The following CTNNA1 variants were observed in gnomAD, a reference collection of about 807,000 sequenced individuals.
CTNNA1 encodes the protein catenin alpha-1.
Under a neutral mutation model 98.4 loss-of-function variants are expected in CTNNA1, and 37 were observed. The ratio of observed to expected loss-of-function variants is 0.38; its 90% confidence interval spans 0.29 to 0.49. CTNNA1 has a LOEUF of 0.49. CTNNA1 is among the 20% of genes least tolerant of loss of function. CTNNA1 has a pLI of 0.95. For synonymous variants in CTNNA1, 404 were observed against 413.2 expected (o/e 0.98, Z 0.27); for missense variants, 761 against 1,147.2 (o/e 0.66, Z 4.86).
At chr5:138,928,035 G>A (rs937441604) in intron 13 of CTNNA1, among the ~76,000 whole-genome samples, 1 of 152,092 alleles carries the variant, frequency 6.6e-6, no homozygotes, top group African/African-American at 2.4e-5. Context: ...CCTTTGCACA[G>A]CACGTTCTTG....
intron 9 of CTNNA1, among the ~76,000 whole-genome samples, chr5:138,902,460 C>A (rs570733609): frequency 1.3e-5 from 2 of 152,322 alleles, no homozygotes; most frequent in East Asian, 3.9e-4. Context: ...CGCTCTGTCG[C>A]CCAGGCTGGA....
At chr5:138,891,213 T>C (rs1314120640) in intron 9 of CTNNA1, 2 of 152,148 alleles carry the variant, frequency 1.3e-5, no homozygotes, top group East Asian at 1.9e-4. Context: ...CACACCAGAG[T>C]GAGTGGTCCT....
chr5:138,903,196 C>T (rs1169987563), intron 9 of CTNNA1, among the ~76,000 whole-genome samples: 1 of 152,092 alleles, frequency 6.6e-6, no homozygotes, highest in Non-Finnish European at 1.5e-5. Context: ...TTGGGCATTG[C>T]AGGATTCTGA....
chr5:138,842,265 A>G (rs574321494), intron 7 of CTNNA1, among the ~76,000 whole-genome samples: 4 of 152,098 alleles, frequency 2.6e-5, no homozygotes, highest in Non-Finnish European at 5.9e-5. Flanking sequence ...GCACCACTGC[A>G]CTCCAGCCTG....
At chr5:138,882,815 G>C (rs184271317) in intron 7 of CTNNA1, among the ~76,000 whole-genome samples, 1 of 152,288 alleles carries the variant, frequency 6.6e-6, no homozygotes, top group African/African-American at 2.4e-5. Flanking sequence ...AAAAGAAGTA[G>C]AATCTTGTTT....
At chr5:138,774,002 G>C (rs568846622) in intron 1 of CTNNA1, among the ~76,000 whole-genome samples, 1 of 152,226 alleles carries the variant, frequency 6.6e-6, no homozygotes, top group South Asian at 2.1e-4. Context: ...TCATGCCTCA[G>C]CCTCCCGAGT....
At chr5:138,888,674 A>C (rs949586743) in intron 9 of CTNNA1, among the ~76,000 whole-genome samples, 1 of 151,644 alleles carries the variant, frequency 6.6e-6, no homozygotes, top group Non-Finnish European at 1.5e-5. Context: ...CAGCCTCCTG[A>C]GTAGCTGGAA....
intron 11 of CTNNA1, among the ~76,000 whole-genome samples, chr5:138,921,954 G>T (rs538187128): frequency 6.6e-6 from 1 of 151,792 alleles, no homozygotes; most frequent in Admixed American, 6.6e-5. Context: ...AGTTTACATG[G>T]CAAGCCATCA....
At position 138,930,570 on chromosome 5, in the gene CTNNA1, C is replaced by A; in HGVS notation, c.2108C>A (p.Ser703Tyr). Residue 703 changes from serine to tyrosine, a missense_variant, in exon 15 of 18, where the codon TCC (serine) becomes TAC (tyrosine). Physicochemically the swap from Ser to Tyr is moderately radical, Grantham distance 144. Around this residue, in one of 6 missense-constraint regions of CTNNA1, gnomAD observed 77 missense variants for 198.8 expected, o/e 0.39. Coordinates refer to ENST00000302763, the MANE Select transcript of CTNNA1 (RefSeq NM_001903.5). ...EEKSKLDAEVSKWDDSGNDII... is the reference protein window; with the variant it reads ...EEKSKLDAEVYKWDDSGNDII... ...AAGAGCAAGCTGGATGCTGAAGTGT[C>A]CAAATGGGACGACAGTGGCAATGAC... The A allele has an allele frequency of 6.2e-7, 1 of 1,614,020 alleles. No individual in the cohort carries two copies. Among genetic ancestry groups the A allele is most frequent in the Non-Finnish European group, 8.5e-7 (1 of 1,179,970 alleles).
chr5:138,910,225 T>A (rs900822519), intron 10 of CTNNA1, among the ~76,000 whole-genome samples: 4 of 94,384 alleles, frequency 4.2e-5, no homozygotes, highest in Non-Finnish European at 8.8e-5. Flanking sequence ...TTCCTACTTT[T>A]CTTTTTTTTT....
intron 7 of CTNNA1, among the ~76,000 whole-genome samples, chr5:138,861,042 C>T (rs176381): frequency 0.68 from 103,248 of 151,802 alleles, 35,345 homozygotes; most frequent in East Asian, 0.93. Flanking sequence ...TTTTTGGAGA[C>T]GGAGTCTCAC....
intron 7 of CTNNA1, among the ~76,000 whole-genome samples, chr5:138,883,426 A>G (rs1017898815): frequency 2.0e-5 from 3 of 152,202 alleles, no homozygotes; most frequent in Admixed American, 2.0e-4. Flanking sequence ...TCCTGCAATA[A>G]CAAGAAAGAC....
intron 1 of CTNNA1, among the ~76,000 whole-genome samples, chr5:138,755,845 C>CTTT (rs60260246): frequency 0.014 from 838 of 58,436 alleles, 7 homozygotes; most frequent in Non-Finnish European, 0.021. Flanking sequence ...GGATTTCCTT[C>CTTT]TTTTTTTTTT....
intron 9 of CTNNA1, among the ~76,000 whole-genome samples, chr5:138,890,861 A>C (rs769384068): frequency 1.3e-4 from 20 of 152,206 alleles, no homozygotes; most frequent in Non-Finnish European, 2.8e-4. Flanking sequence ...CTGAAATTCC[A>C]AAGATTCAGA....
intron 1 of CTNNA1, among the ~76,000 whole-genome samples, chr5:138,769,787 C>T (rs985428223): frequency 1.8e-4 from 28 of 152,222 alleles, no homozygotes; most frequent in African/African-American, 6.5e-4. Context: ...CCCGCCTCGG[C>T]CTCCCAAAGT....
At position 138,875,073 on chromosome 5, in the gene CTNNA1, C is replaced by T. The variant is rs549833739; in HGVS notation, c.1063-11139C>T. ...AATCCACCAGGACGAGTTGTTTTTTCCTTAGGATATCCCTCTGGAAAGCAT... is the reference window on the plus strand; with the variant it reads ...AATCCACCAGGACGAGTTGTTTTTTTCTTAGGATATCCCTCTGGAAAGCAT... On this transcript the variant is annotated intron_variant, in intron 7 of 17. Transcript: ENST00000302763. 1.1e-4 allele frequency: 68 copies of T among 628,340 alleles called. 1 individual carries two copies. Among genetic ancestry groups the T allele is most frequent in the Middle Eastern group, 1.0e-3 (4 of 3,928 alleles). 38.9% of individuals were successfully genotyped at this position (628,340 alleles called of 1,614,324 possible). A position where few individuals can be genotyped will look rare whatever the true frequency, so the allele number is the denominator to read the frequency against.
At chr5:138,769,379 G>GTTATTATTA (rs372870548) in intron 1 of CTNNA1, among the ~76,000 whole-genome samples, 1 of 150,466 alleles carries the variant, frequency 6.6e-6, no homozygotes, top group Non-Finnish European at 1.5e-5. Context: ...TTATTTTTGG[G>GTTATTATTA]TTATTATTAT....
intron 7 of CTNNA1, among the ~76,000 whole-genome samples, chr5:138,831,283 A>C (rs1481557094): frequency 6.6e-6 from 1 of 152,188 alleles, no homozygotes; most frequent in Non-Finnish European, 1.5e-5. Context: ...GGCAACTTTG[A>C]TGTTTCAGGT....
chr5:138,781,207 A>C (rs1755065474), intron 1 of CTNNA1, among the ~76,000 whole-genome samples: 1 of 152,212 alleles, frequency 6.6e-6, no homozygotes, highest in East Asian at 1.9e-4. Context: ...AATGTTGTGG[A>C]GTAGGAAAAA....
Sources: gnomAD v4.1 joint callset for allele counts (sites outside exome capture counted in the v4.1 genomes callset) on GRCh38, gnomAD v4.1.1 for gene constraint, gnomAD v4.1.1 regional missense constraint, MANE v1.5 for transcripts, NCBI Gene and HGNC (gene_info 2026-07-23, HGNC 2026-07-21) for gene names.